The following FTO variants were observed in gnomAD, a reference collection of about 807,000 sequenced individuals.
FTO encodes the protein FTO alpha-ketoglutarate dependent dioxygenase, also known as alpha-ketoglutarate-dependent dioxygenase FTO.
In FTO, 47 loss-of-function variants were observed where a neutral mutation model predicts 63.9. The observed-to-expected ratio is 0.74, with a 90% confidence interval of 0.58 to 0.94. The LOEUF (loss-of-function observed/expected upper bound fraction) is 0.94. Ranked by LOEUF, FTO falls within the 40% of genes least tolerant of loss-of-function variation. FTO has a pLI of 0.00. For missense variants in FTO, 562 were observed against 618.1 expected, an observed-to-expected ratio of 0.91 and a Z score of 0.96; for synonymous variants, 207 against 224.4, an observed-to-expected ratio of 0.92 and a Z score of 0.69.
At chr16:53,874,692 G>A (rs1192410105) in intron 5 of FTO, among the ~76,000 whole-genome samples, 3 of 152,280 alleles carry the variant, frequency 2.0e-5, no homozygotes, top group Admixed American at 1.3e-4. Context: ...GAGTCTATAC[G>A]GCAGTGTTGT....
At chr16:54,039,675 A>T (rs1411244309) in intron 8 of FTO, 1 of 152,232 alleles carries the variant, frequency 6.6e-6, no homozygotes, top group Non-Finnish European at 1.5e-5. Context: ...TCAATCTGCT[A>T]CATATACCTT....
intron 8 of FTO, among the ~76,000 whole-genome samples, chr16:54,009,397 G>A (rs929904936): frequency 6.6e-6 from 1 of 152,098 alleles, no homozygotes; most frequent in South Asian, 2.1e-4. Context: ...CTCTTAAAAT[G>A]TGTAAAACTA....
chr16:54,082,402 G>C (rs1228722289), intron 8 of FTO, among the ~76,000 whole-genome samples: 1 of 152,186 alleles, frequency 6.6e-6, no homozygotes, highest in Non-Finnish European at 1.5e-5. Flanking sequence ...TCTAAGAAAT[G>C]CATGTCAAGT....
At chr16:53,900,412 G>C (rs1040323759) in intron 7 of FTO, among the ~76,000 whole-genome samples, 1 of 151,914 alleles carries the variant, frequency 6.6e-6, no homozygotes, top group African/African-American at 2.4e-5. Context: ...TAAGACTCTT[G>C]GTTTCCGTCT....
At position 54,058,403 on chromosome 16, in the gene FTO, G is replaced by A. The variant is rs552731642; in HGVS notation, c.1365-53359G>A. 1.4e-3 allele frequency among the ~76,000 whole-genome samples: 214 copies of A among 152,246 alleles called. 2 individuals carry two copies. Among genetic ancestry groups the A allele is most frequent in the African/African-American group, 4.7e-3 (194 of 41,548 alleles). On this transcript the variant is annotated intron_variant, in intron 8 of 8. Coordinates refer to ENST00000471389, the MANE Select transcript of FTO (RefSeq NM_001080432.3). ...CTCCCAAAGTGCTGGGATTACAGGCGTGAGCCACCACGCCTGGCCGGAGGA... is the reference window on the plus strand; with the variant it reads ...CTCCCAAAGTGCTGGGATTACAGGCATGAGCCACCACGCCTGGCCGGAGGA...
At chr16:53,842,494 T>A (rs1440248461) in intron 3 of FTO, among the ~76,000 whole-genome samples, 1 of 152,188 alleles carries the variant, frequency 6.6e-6, no homozygotes, top group Non-Finnish European at 1.5e-5. Context: ...ACCTTCTACC[T>A]TTTTTAGTGT....
At chr16:53,729,780 G>A (rs2076233296) in intron 1 of FTO, among the ~76,000 whole-genome samples, 1 of 151,278 alleles carries the variant, frequency 6.6e-6, no homozygotes, top group Non-Finnish European at 1.5e-5. Context: ...CTTCTCATTG[G>A]CACCTAGAGA....
intron 1 of FTO, among the ~76,000 whole-genome samples, chr16:53,774,580 G>A (rs971210380): frequency 6.6e-6 from 1 of 152,040 alleles, no homozygotes; most frequent in Non-Finnish European, 1.5e-5. Context: ...TTTTCACTTG[G>A]TTGTTCTACT....
intron 2 of FTO, among the ~76,000 whole-genome samples, chr16:53,814,431 A>G (rs2078617581): frequency 6.6e-6 from 1 of 152,212 alleles, no homozygotes; most frequent in African/African-American, 2.4e-5. Flanking sequence ...GTGTGAGCTC[A>G]CTGAAATCTT....
At chr16:53,862,249 A>AAAAC (rs544358498) in intron 4 of FTO, among the ~76,000 whole-genome samples, 253 of 152,232 alleles carry the variant, frequency 1.7e-3, no homozygotes, top group African/African-American at 5.9e-3. Context: ...TTCATCTCAA[A>AAAAC]AAACAAACAA....
At chr16:54,027,027 C>T (rs1467402519) in intron 8 of FTO, among the ~76,000 whole-genome samples, 4 of 152,004 alleles carry the variant, frequency 2.6e-5, no homozygotes, top group African/African-American at 7.3e-5. Context: ...TTTCCTTGAC[C>T]CCATCTGCAG....
At chr16:53,998,526 A>G (rs780120557) in intron 8 of FTO, 2 of 152,220 alleles carry the variant, frequency 1.3e-5, no homozygotes, top group African/African-American at 2.4e-5. Context: ...CCCAACTTAA[A>G]TTGACTTACG....
chr16:54,022,364 A>T (rs565132454), intron 8 of FTO, among the ~76,000 whole-genome samples: 2 of 152,194 alleles, frequency 1.3e-5, no homozygotes, highest in African/African-American at 4.8e-5. Context: ...AAGAAGAAAG[A>T]TGGATAAAAT....
intron 8 of FTO, chr16:54,069,994 C>T (rs543935569): frequency 5.9e-5 from 9 of 152,120 alleles, no homozygotes; most frequent in African/African-American, 2.2e-4. Context: ...GTTTTTTCAT[C>T]TGGAAAGTGG....
At chr16:54,092,190 G>A (rs2086401742) in intron 8 of FTO, among the ~76,000 whole-genome samples, 1 of 152,194 alleles carries the variant, frequency 6.6e-6, no homozygotes, top group African/African-American at 2.4e-5. Flanking sequence ...GGCTGAGTTG[G>A]GATGATCACT....
intron 7 of FTO, among the ~76,000 whole-genome samples, chr16:53,925,059 C>CT (rs1323038583): frequency 6.4e-5 from 8 of 125,192 alleles, no homozygotes; most frequent in Non-Finnish European, 8.5e-5. Flanking sequence ...TTCTTTCTTT[C>CT]TTTTTTTTGT....
chr16:54,004,265 G>A (rs894274162), intron 8 of FTO, among the ~76,000 whole-genome samples: 9 of 152,072 alleles, frequency 5.9e-5, no homozygotes, highest in African/African-American at 1.2e-4. Flanking sequence ...GGTGACATCC[G>A]CCTGTAATCC....
chr16:53,746,278 T>C (rs1023040047), intron 1 of FTO, among the ~76,000 whole-genome samples: 2 of 152,198 alleles, frequency 1.3e-5, no homozygotes, highest in South Asian at 4.1e-4. Flanking sequence ...CACAGTGACT[T>C]TGGGGGCCTT....
At chr16:53,909,782 T>G (rs1477930301) in intron 7 of FTO, among the ~76,000 whole-genome samples, 1 of 152,110 alleles carries the variant, frequency 6.6e-6, no homozygotes, top group Non-Finnish European at 1.5e-5. Context: ...CAGGCTGGTC[T>G]CGAACTCCTG....
Sources: allele counts gnomAD v4.1 joint callset (sites outside exome capture counted in the v4.1 genomes callset), GRCh38; gene constraint gnomAD v4.1.1; transcripts MANE v1.5; gene names NCBI Gene and HGNC (gene_info 2026-07-23, HGNC 2026-07-21).